Variants in TANC2 observed in about 807,000 individuals in gnomAD.
The protein encoded by TANC2 is tetratricopeptide repeat, ankyrin repeat and coiled-coil containing 2, also known as protein TANC2.
Under a neutral mutation model 210.5 loss-of-function variants are expected in TANC2, and 26 were observed. The ratio of observed to expected loss-of-function variants is 0.12; its 90% CI spans 0.09 to 0.17. TANC2 has a LOEUF of 0.17. TANC2 is among the 10% of genes least tolerant of loss of function. The probability of loss-of-function intolerance (pLI) is 1.00; values close to 1 mark genes in which losing one functional copy is unlikely to be tolerated. For synonymous variants in TANC2, 931 were observed against 967.1 expected (o/e 0.96, Z 0.69); for missense variants, 2,129 against 2,608.9 (o/e 0.82, Z 4.01).
chr17:63,358,352 T>TGAGAGA (rs5821386), intron 14 of TANC2, among the ~76,000 whole-genome samples: 6 of 138,052 alleles, frequency 4.3e-5, no homozygotes, highest in African/African-American at 1.7e-4. Context: ...GTGAGTAGAG[T>TGAGAGA]GAGAGAGAGA....
chr17:63,211,246 G>A (rs1438637489), intron 7 of TANC2, among the ~76,000 whole-genome samples: 1 of 152,066 alleles, frequency 6.6e-6, no homozygotes, highest in Non-Finnish European at 1.5e-5. Context: ...TCACTCTTTT[G>A]GCTCTCATTT....
At chr17:63,354,826 G>A (rs754942145) in exon 14 of TANC2, 10 of 1,601,856 alleles carry the variant, frequency 6.2e-6, no homozygotes, top group Admixed American at 1.8e-5. Context: ...TTTTTGGATC[G>A]ACTAGAAGAG....
At chr17:63,395,702 C>G (rs2048133389) in intron 17 of TANC2, 41 bp from the exon 18 acceptor site, 1 of 1,589,670 alleles carries the variant, frequency 6.3e-7, no homozygotes, top group South Asian at 1.1e-5. Context: ...AGCTCAGCCA[C>G]AAGTCTGTGT....
intron 2 of TANC2, among the ~76,000 whole-genome samples, chr17:63,071,830 A>G (rs917429639): frequency 3.3e-5 from 5 of 152,190 alleles, no homozygotes; most frequent in African/African-American, 7.2e-5. Flanking sequence ...ATGAGAAAAG[A>G]ATAAAACGGG....
intron 2 of TANC2, among the ~76,000 whole-genome samples, chr17:63,024,941 A>G (rs1266232940): frequency 6.6e-6 from 1 of 152,216 alleles, no homozygotes; most frequent in African/African-American, 2.4e-5. Context: ...GGATTATACC[A>G]GAGCAACAAG....
intron 4 of TANC2, among the ~76,000 whole-genome samples, chr17:63,142,468 A>G (rs2039323088): frequency 1.3e-5 from 2 of 151,928 alleles, no homozygotes; most frequent in African/African-American, 4.8e-5. Context: ...TCCTAATTTG[A>G]TAGTTCATGT....
At chr17:63,196,954 A>G (rs1010974571) in intron 6 of TANC2, among the ~76,000 whole-genome samples, 4 of 152,216 alleles carry the variant, frequency 2.6e-5, no homozygotes, top group Non-Finnish European at 4.4e-5. Context: ...TTTATAATCT[A>G]TGCTCTTAAC....
At chr17:63,003,460 A>G (rs1239132642) in intron 1 of TANC2, among the ~76,000 whole-genome samples, 1 of 152,194 alleles carries the variant, frequency 6.6e-6, no homozygotes, top group Non-Finnish European at 1.5e-5. Flanking sequence ...GGTGGCTGCT[A>G]ATTGACCAGT....
At chr17:63,311,555 G>A (rs553696088) in intron 9 of TANC2, among the ~76,000 whole-genome samples, 1 of 152,156 alleles carries the variant, frequency 6.6e-6, no homozygotes, top group South Asian at 2.1e-4. Flanking sequence ...TATAGTAAAA[G>A]CCAAATAGAG....
chr17:63,171,902 A>G (rs2040417418), intron 5 of TANC2, among the ~76,000 whole-genome samples: 1 of 152,238 alleles, frequency 6.6e-6, no homozygotes, highest in Non-Finnish European at 1.5e-5. Flanking sequence ...TTAAAGTGAA[A>G]GAGCATTGGT....
chr17:63,411,056 G>A (rs1054051770), intron 21 of TANC2, among the ~76,000 whole-genome samples: 6 of 152,008 alleles, frequency 3.9e-5, no homozygotes, highest in African/African-American at 1.5e-4. Context: ...TAGAGAATGA[G>A]AAGTGAGGCA....
intron 4 of TANC2, among the ~76,000 whole-genome samples, chr17:63,122,061 T>G (rs2038504922): frequency 6.6e-6 from 1 of 152,114 alleles, no homozygotes; most frequent in African/African-American, 2.4e-5. Flanking sequence ...AAACTCAATC[T>G]GGTTGAATCT....
At chr17:63,221,442 C>CAAA (rs755699051) in intron 7 of TANC2, among the ~76,000 whole-genome samples, 16 of 87,504 alleles carry the variant, frequency 1.8e-4, no homozygotes, top group African/African-American at 1.7e-4. Flanking sequence ...GACTCCATCT[C>CAAA]AAAAAAAAAA....
At chr17:63,355,633 T>C (rs2046759064) in intron 14 of TANC2, among the ~76,000 whole-genome samples, 4 of 152,238 alleles carry the variant, frequency 2.6e-5, no homozygotes, top group Non-Finnish European at 5.9e-5. Flanking sequence ...TGTGTTCTTC[T>C]AAATAATTTT....
rs192117481 is a variant in TANC2, at chr17:63,088,290, T to G, written c.140-10885T>G. 185 of 152,306 alleles carry G rather than the reference T, an allele frequency of 1.2e-3. 1 individual carries two copies. Among genetic ancestry groups the G allele is most frequent in the African/African-American group, 4.3e-3 (178 of 41,570 alleles). 9.4% of individuals were successfully genotyped at this position (152,306 alleles called of 1,614,324 possible). ...TATCTTTAAAGGCAAGAAGGACTGTTGAAGCTTTTCTAACATATTCATTAC... is the reference window on the plus strand; with the variant it reads ...TATCTTTAAAGGCAAGAAGGACTGTGGAAGCTTTTCTAACATATTCATTAC... On this transcript the variant is annotated intron_variant, in intron 3 of 27. Coordinates refer to ENST00000689528, the Ensembl canonical transcript of TANC2.
At chr17:63,415,455 G>T in intron 25 of TANC2, 73 bp from the exon 26 acceptor site, 1 of 1,565,126 alleles carries the variant, frequency 6.4e-7, no homozygotes, top group Admixed American at 1.9e-5. Context: ...AGAAGAAGAA[G>T]GGAGTGGGGA....
chr17:63,362,078 C>T (rs2046975491), intron 14 of TANC2, among the ~76,000 whole-genome samples: 1 of 152,224 alleles, frequency 6.6e-6, no homozygotes, highest in Middle Eastern at 3.4e-3. Flanking sequence ...GTGGATAGCT[C>T]CTATGTACAG....
chr17:63,079,680 T>C (rs1370423185), intron 3 of TANC2, among the ~76,000 whole-genome samples: 1 of 152,176 alleles, frequency 6.6e-6, no homozygotes, highest in Non-Finnish European at 1.5e-5. Context: ...CCCTGCCTGA[T>C]TGTGGATACA....
chr17:63,327,069 C>T (rs1391405065), intron 11 of TANC2, among the ~76,000 whole-genome samples: 1 of 152,024 alleles, frequency 6.6e-6, no homozygotes, highest in Non-Finnish European at 1.5e-5. Flanking sequence ...GGCAAAGGAC[C>T]TGAACAGACA....
Sources: allele counts gnomAD v4.1 joint callset (sites outside exome capture counted in the v4.1 genomes callset), GRCh38; gene constraint gnomAD v4.1.1; transcripts MANE v1.5; gene names NCBI Gene and HGNC (gene_info 2026-07-23, HGNC 2026-07-21).